Variants in PCDHA6 observed in about 807,000 individuals in gnomAD.
The protein encoded by PCDHA6 is protocadherin alpha-6.
PCDHA6 carries 55 observed loss-of-function variants against 60.3 expected under a neutral mutation model. The observed-to-expected ratio is 0.91, with a 90% CI of 0.73 to 1.14. The LOEUF (loss-of-function observed/expected upper bound fraction) is 1.14, where lower values mean the gene tolerates loss of function less well. PCDHA6 is among the 50% of genes most tolerant of loss of function. The probability of loss-of-function intolerance (pLI) is 0.00; values close to 1 mark genes in which losing one functional copy is unlikely to be tolerated. For synonymous variants in PCDHA6, 652 were observed against 557.9 expected (o/e 1.17, Z -2.38); for missense variants, 1,327 against 1,256.5 (o/e 1.06, Z -0.85).
rs542968986 is a variant in PCDHA6, at chr5:141,005,917, A to T, written c.2543-3710A>T. On this transcript the variant is annotated intron_variant, in intron 3 of 3. Transcript: ENST00000529310. ...AGCAATGATTGCACCACTGCACTTCAGCCTGGTTGACAGAGTGAGAACCTA... is the reference window on the plus strand; with the variant it reads ...AGCAATGATTGCACCACTGCACTTCTGCCTGGTTGACAGAGTGAGAACCTA... Among the ~76,000 whole-genome samples the T allele has an allele frequency of 4.5e-4, 69 of 152,156 alleles. No homozygotes were observed. In the South Asian group the frequency reaches 0.013, roughly 28 times the overall value.
At chr5:140,854,341 G>A (rs1388413417) in intron 1 of PCDHA6, 1 of 189,830 alleles carries the variant, frequency 5.3e-6, no homozygotes, top group Non-Finnish European at 9.6e-6. Flanking sequence ...TTACGCTCCA[G>A]ATAGCTAAAA....
At chr5:140,926,409 C>G (rs1426750263) in intron 1 of PCDHA6, 3 of 152,670 alleles carry the variant, frequency 2.0e-5, no homozygotes, top group Admixed American at 6.5e-5. Context: ...CAGCAATCTG[C>G]GGGCAGAGGA....
At chr5:140,941,198 T>TCTTC (rs202127003) in intron 1 of PCDHA6, among the ~76,000 whole-genome samples, 5 of 119,810 alleles carry the variant, frequency 4.2e-5, no homozygotes, top group Non-Finnish European at 7.0e-5. Flanking sequence ...TTTTTTTCTT[T>TCTTC]CTTCCTTTCT....
chr5:140,940,825 G>A (rs782539336), intron 1 of PCDHA6, among the ~76,000 whole-genome samples: 53 of 152,232 alleles, frequency 3.5e-4, no homozygotes, highest in South Asian at 6.2e-4. Context: ...ATCTTGGATG[G>A]AAATACCTTT....
Position 140,830,107 on chromosome 5 carries a change from T to C in PCDHA6, c.2016T>C (p.Ser672=), listed in dbSNP as rs2150181234. The C allele has an allele frequency of 3.1e-6, 5 of 1,612,600 alleles. No homozygotes were observed. The East Asian group carries it at 6.7e-5, about 22-fold the overall frequency. The change falls in exon 1 of 4, where the codon AGT becomes AGC. Residue 672 remains serine, a synonymous_variant. Transcript: ENST00000529310. ...TATVLVSLVE[S]GQAPKASSRA... ...CGGTTCTGGTGTCGCTGGTGGAGAG[T>C]GGCCAGGCTCCAAAGGCGTCATCAC... is the stretch of plus-strand genomic sequence containing the variant.
At chr5:140,924,395 G>C (rs919795787) in intron 1 of PCDHA6, among the ~76,000 whole-genome samples, 1 of 152,024 alleles carries the variant, frequency 6.6e-6, no homozygotes, top group East Asian at 1.9e-4. Context: ...TACTTATATT[G>C]CCTTATATCA....
At chr5:140,971,807 T>C in intron 1 of PCDHA6, among the ~76,000 whole-genome samples, 1 of 152,270 alleles carries the variant, frequency 6.6e-6, no homozygotes, top group Middle Eastern at 3.4e-3. Context: ...TATTATAATA[T>C]TGAATACATA....
chr5:140,846,375 T>C (rs1343413352), intron 1 of PCDHA6, among the ~76,000 whole-genome samples: 4 of 125,488 alleles, frequency 3.2e-5, no homozygotes, highest in African/African-American at 1.0e-4. Context: ...CTTTCTTTCT[T>C]TTTTTTTTTT....
intron 1 of PCDHA6, 127 bp from the exon 2 acceptor site, chr5:140,978,822 A>G: frequency 6.6e-7 from 1 of 1,521,216 alleles, no homozygotes; most frequent in Non-Finnish European, 8.8e-7. Context: ...GTTACACATG[A>G]AATGGCTCAT....
In PCDHA6 at chr5:140,855,846, C is replaced by T. The variant is rs112115141; in HGVS notation, c.2394+25361C>T. ...CATGGAATCGTACTTACACCTAAAG[C>T]CACCGGATGTCGCTGTCGTCCACAA... is the stretch of plus-strand genomic sequence containing the variant. On this transcript the variant is annotated intron_variant, in intron 1 of 3. Coordinates refer to ENST00000529310, the MANE Select transcript of PCDHA6 (RefSeq NM_018909.4). The T allele has an allele frequency of 3.0e-3, 1,971 of 647,788 alleles. 109 individuals are homozygous for T. In the African/African-American group the frequency reaches 0.032, roughly 11 times the overall value. The allele number at this position is 647,788 out of a possible 1,614,324, so 40.1% of individuals were successfully genotyped here.
intron 1 of PCDHA6, chr5:140,927,616 G>T (rs1228559116): frequency 6.2e-7 from 1 of 1,614,164 alleles, no homozygotes; most frequent in South Asian, 1.1e-5. Flanking sequence ...CCGCACCAAG[G>T]TTCCAGAGAC....
intron 1 of PCDHA6, chr5:140,853,127 C>T (rs1172864205): frequency 3.4e-6 from 2 of 580,724 alleles, no homozygotes; most frequent in Non-Finnish European, 4.4e-6. Flanking sequence ...GATCCTCCCG[C>T]CTCAGCCTCC....
rs2044359336 is a variant in PCDHA6 at position 140,857,099 on chromosome 5, G to A, written c.2394+26614G>A. On this transcript the variant is annotated intron_variant, in intron 1 of 3. Transcript: ENST00000529310. ...AAATGATAATTCACCTGAGGTGATT[G>A]TCACTTCTCTGTCTCTCCCAGTGAA... 2 of 1,597,238 alleles carry A rather than the reference G, an allele frequency of 1.3e-6. No homozygotes were observed. The highest frequency in any genetic ancestry group is 3.4e-5 in the Admixed American group (2 of 59,246).
chr5:140,913,099 C>T (rs1413383908), intron 1 of PCDHA6, among the ~76,000 whole-genome samples: 4 of 152,132 alleles, frequency 2.6e-5, no homozygotes, highest in Non-Finnish European at 4.4e-5. Context: ...ATACTGGCCT[C>T]ATAGAATCAG....
chr5:140,840,328 T>C lies in PCDHA6; in HGVS notation c.2394+9843T>C, dbSNP rs2150305844. ...TTTTAACTTTGGTCGACTCATTTTCTAGGCAATGTTAGGGTATACAGGTAA... is the reference window on the plus strand; with the variant it reads ...TTTTAACTTTGGTCGACTCATTTTCCAGGCAATGTTAGGGTATACAGGTAA... On this transcript the variant is annotated intron_variant, in intron 1 of 3. Transcript: ENST00000529310. Among the ~76,000 whole-genome samples, 12 of 152,150 alleles carry C rather than the reference T, an allele frequency of 7.9e-5. No individual in the cohort carries two copies. The South Asian group carries it at 2.5e-3, about 32-fold the overall frequency.
In PCDHA6 at chr5:140,829,619, G is replaced by A. The variant is rs2150171430; in HGVS notation, c.1528G>A (p.Val510Met). 40 of 1,612,108 alleles carry A rather than the reference G, an allele frequency of 2.5e-5. No individual in the cohort carries two copies. In the Middle Eastern group the frequency reaches 8.2e-4, roughly 33 times the overall value. Reference sequence around the variant, plus strand: ...GCGCGCGTTGTCGAGCTACATTTCGGTGCACGCGGAGAGCGGCAAGGTGTA... The same window carrying A: ...GCGCGCGTTGTCGAGCTACATTTCGATGCACGCGGAGAGCGGCAAGGTGTA... Reference protein sequence around the residue: ...GERALSSYISVHAESGKVYAL... With the variant: ...GERALSSYISMHAESGKVYAL... The change falls in exon 1 of 4, where the codon GTG (valine) becomes ATG (methionine). Residue 510 changes from valine to methionine, a missense_variant. Transcript: ENST00000529310.
intron 1 of PCDHA6, among the ~76,000 whole-genome samples, chr5:140,873,452 C>A (rs147398020): frequency 6.4e-4 from 97 of 152,122 alleles, no homozygotes; most frequent in Non-Finnish European, 1.1e-3. Context: ...AACAAATTTG[C>A]ATTTTAGATA....
At chr5:140,952,351 AAAAG>A (rs1316352142) in intron 1 of PCDHA6, among the ~76,000 whole-genome samples, 25 of 120,612 alleles carry the variant, frequency 2.1e-4, no homozygotes, top group Non-Finnish European at 3.5e-4. Context: ...AAAAAAAAAA[AAAAG>A]AAAGAAAGAA....
In PCDHA6 at chr5:140,986,391, G is replaced by A. The variant is rs144915625; in HGVS notation, c.2542+3828G>A. Among the ~76,000 whole-genome samples, 1,153 of 152,256 alleles carry A rather than the reference G, an allele frequency of 7.6e-3. 6 individuals are homozygous for A. Among genetic ancestry groups the A allele is most frequent in the Middle Eastern group, 0.014 (4 of 294 alleles). ...GTTTTGGGGGGAGGGACATTAAAGG[G>A]CCAGTCGCTCATGTTACAGCTCTTT... On this transcript the variant is annotated intron_variant, in intron 3 of 3. Transcript: ENST00000529310.
Sources: gnomAD v4.1 joint callset for allele counts (sites outside exome capture counted in the v4.1 genomes callset) on GRCh38, gnomAD v4.1.1 for gene constraint, MANE v1.5 for transcripts, NCBI Gene and HGNC (gene_info 2026-07-23, HGNC 2026-07-21) for gene names.